The following EDEM3 variants were observed in gnomAD, a reference collection of about 807,000 sequenced individuals.
EDEM3 encodes ER degradation enhancing alpha-mannosidase like protein 3.
A neutral mutation model predicts 110.2 loss-of-function variants in EDEM3; 60 were observed. The observed-to-expected ratio is 0.54, with a 90% CI of 0.44 to 0.67. EDEM3 has a LOEUF of 0.67. EDEM3 is among the 30% of genes least tolerant of loss of function. The pLI, the probability that EDEM3 is intolerant of heterozygous loss-of-function variation, is 0.00. For missense variants in EDEM3, 996 were observed against 1,121.0 expected (o/e 0.89, Z 1.59); for synonymous variants, 352 against 382.9 (o/e 0.92, Z 0.94).
rs1436390075 is a variant in EDEM3, at chr1:184,721,381, C to T, written c.859G>A (p.Gly287Arg). The T allele has an allele frequency of 1.1e-5, 18 of 1,593,724 alleles. No homozygotes were observed. The highest frequency in any genetic ancestry group is 1.5e-5 in the Non-Finnish European group (18 of 1,173,826). Residue 287 changes from glycine to arginine, a missense_variant, in exon 9 of 20, where the codon GGA becomes AGA. This residue lies in a region of EDEM3 where 310 missense variants were observed against 394.6 expected (regional missense o/e 0.79). Transcript: ENST00000318130. Reference protein sequence around the residue: ...HTGDWVRKDSGVGAGIDSYYE... With the variant: ...HTGDWVRKDSRVGAGIDSYYE... ...TATGAATCAATCCCTGCTCCAACTCCACTATCTATGGAAACACAAATGTGA... is the reference window on the plus strand; with the variant it reads ...TATGAATCAATCCCTGCTCCAACTCTACTATCTATGGAAACACAAATGTGA...
At chr1:184,725,942 G>A (rs1435457227) in intron 7 of EDEM3, among the ~76,000 whole-genome samples, 1 of 152,094 alleles carries the variant, frequency 6.6e-6, no homozygotes, top group Non-Finnish European at 1.5e-5. Context: ...CAGGGACATA[G>A]TATTTCGTAA....
Position 184,703,037 on chromosome 1 carries a change from C to G in EDEM3, c.2204-41G>C, listed in dbSNP as rs769393255. The G allele has an allele frequency of 1.5e-5, 22 of 1,482,138 alleles. No individual in the cohort carries two copies. In the South Asian group the frequency reaches 1.9e-4, roughly 13 times the overall value. 91.8% of individuals were successfully genotyped at this position (1,482,138 alleles called of 1,614,324 possible). Reference sequence around the variant, plus strand: ...ATACAGCAAACATCAAAATATCCAGCCATTAAAAAGATCTATCTACTAATT... The same window carrying G: ...ATACAGCAAACATCAAAATATCCAGGCATTAAAAAGATCTATCTACTAATT... On this transcript the variant is annotated intron_variant, in intron 18 of 19. Transcript: ENST00000318130.
chr1:184,712,600 TA>T lies in EDEM3; in HGVS notation c.1371-3del. The stretch of plus-strand genomic sequence containing the variant: ...TCAGCCAAGAAGAAAGAATCCATTC[TA>T]AAATAAAAAGTCACAAATAAATATA... On this transcript the variant is annotated splice_polypyrimidine_tract_variant and splice_region_variant and intron_variant, in intron 13 of 19. Transcript: ENST00000318130. 1 of 1,515,170 alleles carries T rather than the reference TA, an allele frequency of 6.6e-7. No individual in the cohort carries two copies. Among genetic ancestry groups the T allele is most frequent in the Non-Finnish European group, 8.9e-7 (1 of 1,120,758 alleles). 93.9% of individuals were successfully genotyped at this position (1,515,170 alleles called of 1,614,324 possible).
intron 6 of EDEM3, among the ~76,000 whole-genome samples, chr1:184,731,267 C>T (rs1651500047): frequency 6.6e-6 from 1 of 152,146 alleles, no homozygotes; most frequent in Non-Finnish European, 1.5e-5. Flanking sequence ...TGGCTTCTTT[C>T]CCTCTGCTTT....
intron 8 of EDEM3, among the ~76,000 whole-genome samples, chr1:184,721,951 A>T (rs997922550): frequency 1.3e-5 from 2 of 152,036 alleles, no homozygotes; most frequent in African/African-American, 4.8e-5. Context: ...AAATGATTTT[A>T]AAAATTTCAC....
intron 2 of EDEM3, among the ~76,000 whole-genome samples, chr1:184,747,705 T>C (rs999352834): frequency 3.9e-5 from 6 of 152,244 alleles, no homozygotes; most frequent in Admixed American, 6.5e-5. Flanking sequence ...TAGTTAATTG[T>C]AGCAGAAAGT....
At chr1:184,717,692 G>T in intron 11 of EDEM3, 69 bp from the exon 12 acceptor site, 28 of 1,110,246 alleles carry the variant, frequency 2.5e-5, no homozygotes, top group Non-Finnish European at 3.3e-5. Flanking sequence ...AGAATATATA[G>T]AATATATATA....
chr1:184,726,096 G>A (rs1258544920), intron 7 of EDEM3, among the ~76,000 whole-genome samples, 159 bp downstream of exon 7: 1 of 152,032 alleles, frequency 6.6e-6, no homozygotes, highest in East Asian at 1.9e-4. Flanking sequence ...CAATGTTCTA[G>A]GTTTTTGACA....
intron 11 of EDEM3, among the ~76,000 whole-genome samples, chr1:184,718,888 A>T (rs1366285474): frequency 1.3e-5 from 2 of 152,190 alleles, no homozygotes; most frequent in Non-Finnish European, 2.9e-5. Context: ...AGAGTTGAGA[A>T]GAACTAAGCT....
At chr1:184,727,414 TAAAC>T (rs1482998370) in intron 6 of EDEM3, among the ~76,000 whole-genome samples, 1 of 151,866 alleles carries the variant, frequency 6.6e-6, no homozygotes, top group Non-Finnish European at 1.5e-5. Flanking sequence ...AGCCAACAAA[TAAAC>T]AAAAAAAATC....
intron 18 of EDEM3, among the ~76,000 whole-genome samples, chr1:184,706,157 T>C (rs1649913303): frequency 6.6e-6 from 1 of 152,208 alleles, no homozygotes; most frequent in African/African-American, 2.4e-5. Flanking sequence ...AATTATACTA[T>C]TTAATCTACA....
intron 19 of EDEM3, among the ~76,000 whole-genome samples, chr1:184,700,581 T>C (rs1649561820): frequency 6.6e-6 from 1 of 151,956 alleles, no homozygotes; most frequent in Admixed American, 6.6e-5. Context: ...TGTTTGAAGT[T>C]TCAGATTCTG....
At chr1:184,703,123 A>G in intron 18 of EDEM3, 127 bp from the exon 19 acceptor site, 1 of 789,862 alleles carries the variant, frequency 1.3e-6, no homozygotes, top group East Asian at 3.1e-5. Context: ...AAAAACCAAC[A>G]TAATTTTTGG....
intron 1 of EDEM3, among the ~76,000 whole-genome samples, chr1:184,750,276 G>A (rs140460621): frequency 3.9e-5 from 6 of 152,160 alleles, no homozygotes; most frequent in South Asian, 2.1e-4. Flanking sequence ...GTGTTTTGGC[G>A]AATTCTGTTT....
intron 15 of EDEM3, among the ~76,000 whole-genome samples, chr1:184,711,369 A>G (rs1009592161): frequency 1.3e-5 from 2 of 152,256 alleles, no homozygotes; most frequent in African/African-American, 4.8e-5. Context: ...CAGTGTCCTC[A>G]GATTACAGGC....
intron 1 of EDEM3, among the ~76,000 whole-genome samples, chr1:184,752,260 G>A (rs861574): frequency 0.26 from 39,258 of 152,084 alleles, 6,290 homozygotes; most frequent in East Asian, 0.54. Flanking sequence ...TTGAGCAATT[G>A]CTTACTATTC....
chr1:184,720,750 T>C (rs1650857127), intron 9 of EDEM3: 1 of 153,666 alleles, frequency 6.5e-6, no homozygotes, highest in Admixed American at 6.5e-5. Flanking sequence ...GCTATATTCA[T>C]TTCAGTTTGC....
At chr1:184,727,437 AAC>A in intron 6 of EDEM3, among the ~76,000 whole-genome samples, 1 of 152,300 alleles carries the variant, frequency 6.6e-6, no homozygotes, top group South Asian at 2.1e-4. Context: ...TCAAACATAA[AAC>A]ACATAAAACA....
intron 18 of EDEM3, among the ~76,000 whole-genome samples, chr1:184,703,589 A>G (rs930447719): frequency 1.3e-4 from 20 of 152,230 alleles, no homozygotes; most frequent in Non-Finnish European, 2.9e-5. Context: ...AAATAATAGT[A>G]GTAGAACTAT....
Sources: gnomAD v4.1 joint callset for allele counts (sites outside exome capture counted in the v4.1 genomes callset) on GRCh38, gnomAD v4.1.1 for gene constraint, gnomAD v4.1.1 regional missense constraint, MANE v1.5 for transcripts, NCBI Gene and HGNC (gene_info 2026-07-23, HGNC 2026-07-21) for gene names.